Variants in WWOX observed in about 807,000 individuals in gnomAD.
WWOX encodes WW domain containing oxidoreductase.
Under a neutral mutation model 46.2 loss-of-function variants are expected in WWOX, and 69 were observed. The observed-to-expected ratio is 1.49, with a 90% CI of 1.23 to 1.82. The LOEUF is 1.82. WWOX is among the 40% of genes most tolerant of loss of function. The pLI, the probability that WWOX is intolerant of heterozygous loss-of-function variation, is 0.00. For missense variants in WWOX, 919 were observed against 542.6 expected, an observed-to-expected ratio of 1.69 and a Z score of -6.89; for synonymous variants, 359 against 202.6, an observed-to-expected ratio of 1.77 and a Z score of -6.56.
intron 8 of WWOX, among the ~76,000 whole-genome samples, chr16:79,056,774 G>A (rs902434726): frequency 6.6e-6 from 1 of 152,148 alleles, no homozygotes; most frequent in South Asian, 2.1e-4. Context: ...AAGTTTATGT[G>A]ATCTTGAAAA....
chr16:78,721,909 T>G (rs1436566762), intron 8 of WWOX, among the ~76,000 whole-genome samples: 1 of 152,238 alleles, frequency 6.6e-6, no homozygotes, highest in Non-Finnish European at 1.5e-5. Context: ...TGTCACAATC[T>G]CAGGAAACCC....
chr16:79,024,670 C>G (rs572870663), intron 8 of WWOX, among the ~76,000 whole-genome samples: 1 of 152,044 alleles, frequency 6.6e-6, no homozygotes, highest in Non-Finnish European at 1.5e-5. Context: ...CTCCTGACCT[C>G]GTGATCTGCC....
chr16:78,530,852 G>A (rs10438609), intron 8 of WWOX, among the ~76,000 whole-genome samples: 14,202 of 152,214 alleles, frequency 0.093, 914 homozygotes, highest in South Asian at 0.24. Context: ...TTGATTGAGT[G>A]TGGATAATAA....
Position 78,929,608 on chromosome 16 carries a change from A to T in WWOX, c.1057-282000A>T, listed in dbSNP as rs190685090. Reference sequence around the variant, plus strand: ...GAGCCTGGTGGACAAGGAGGGCGGGATAAGATTGCCAGGCCCTGCTTCTAT... The same window carrying T: ...GAGCCTGGTGGACAAGGAGGGCGGGTTAAGATTGCCAGGCCCTGCTTCTAT... On this transcript the variant is annotated intron_variant, in intron 8 of 8. Coordinates refer to ENST00000566780, the MANE Select transcript of WWOX (RefSeq NM_016373.4). Among the ~76,000 whole-genome samples, 3 of 152,234 alleles carry T rather than the reference A, an allele frequency of 2.0e-5. No individual in the cohort carries two copies. The East Asian group carries it at 5.8e-4, about 29-fold the overall frequency.
intron 8 of WWOX, among the ~76,000 whole-genome samples, chr16:79,113,766 G>A (rs994623597): frequency 2.0e-5 from 3 of 152,224 alleles, no homozygotes; most frequent in African/African-American, 7.2e-5. Context: ...AGGGGAAGAG[G>A]GAGGGTTAAG....
At chr16:78,519,672 A>G (rs1343810119) in intron 8 of WWOX, among the ~76,000 whole-genome samples, 2 of 152,026 alleles carry the variant, frequency 1.3e-5, no homozygotes, top group Non-Finnish European at 2.9e-5. Context: ...GGCGGAGGGT[A>G]CTAATCCCCA....
intron 8 of WWOX, among the ~76,000 whole-genome samples, chr16:78,472,453 C>G (rs1396681944): frequency 5.9e-5 from 9 of 152,084 alleles, no homozygotes; most frequent in Admixed American, 3.3e-4. Flanking sequence ...AAACTAATTT[C>G]TCTTGCTTTT....
At chr16:79,194,065 C>A (rs1454556038) in intron 8 of WWOX, among the ~76,000 whole-genome samples, 1 of 151,906 alleles carries the variant, frequency 6.6e-6, no homozygotes, top group East Asian at 1.9e-4. Context: ...TATGAAGATT[C>A]TGTGTGTGTG....
chr16:78,169,389 G>T (rs1370111085), intron 5 of WWOX, among the ~76,000 whole-genome samples: 1 of 151,816 alleles, frequency 6.6e-6, no homozygotes, highest in Non-Finnish European at 1.5e-5. Context: ...CCTTTACCCA[G>T]TATCTATTGG....
chr16:78,556,873 C>T (rs947946271), intron 8 of WWOX, among the ~76,000 whole-genome samples: 4 of 151,924 alleles, frequency 2.6e-5, no homozygotes, highest in Admixed American at 2.6e-4. Context: ...TGCCCACCAC[C>T]AAGCCCGGCT....
intron 5 of WWOX, among the ~76,000 whole-genome samples, chr16:78,304,504 T>G (rs2080097924): frequency 1.3e-5 from 2 of 152,228 alleles, no homozygotes; most frequent in Non-Finnish European, 2.9e-5. Context: ...AGGGTGGGTC[T>G]TAGTAAAATG....
At chr16:78,381,183 G>C (rs955304765) in intron 5 of WWOX, among the ~76,000 whole-genome samples, 1 of 152,094 alleles carries the variant, frequency 6.6e-6, no homozygotes, top group Non-Finnish European at 1.5e-5. Flanking sequence ...TGGTTTCTTT[G>C]GTTTCAGGCA....
At chr16:78,338,797 CCATT>C (rs1567511003) in intron 5 of WWOX, among the ~76,000 whole-genome samples, 1 of 120,740 alleles carries the variant, frequency 8.3e-6, no homozygotes, top group African/African-American at 2.8e-5. Context: ...TTTTGCTATG[CCATT>C]CATTCATTCT....
intron 8 of WWOX, among the ~76,000 whole-genome samples, chr16:78,812,549 C>T (rs1423800915): frequency 4.6e-5 from 7 of 151,860 alleles, no homozygotes; most frequent in Non-Finnish European, 8.8e-5. Flanking sequence ...TGGCGAAACT[C>T]CTTCTCTACT....
At chr16:78,563,707 C>T (rs1247752264) in intron 8 of WWOX, among the ~76,000 whole-genome samples, 2 of 152,054 alleles carry the variant, frequency 1.3e-5, no homozygotes, top group East Asian at 1.9e-4. Flanking sequence ...TTATTAAGAA[C>T]TGTCTGTATT....
At chr16:79,183,875 C>A (rs1247830691) in intron 8 of WWOX, among the ~76,000 whole-genome samples, 1 of 152,156 alleles carries the variant, frequency 6.6e-6, no homozygotes, top group Non-Finnish European at 1.5e-5. Context: ...TCACTCAGTC[C>A]TTTTCTCACT....
intron 8 of WWOX, among the ~76,000 whole-genome samples, chr16:78,588,348 T>C (rs926066419): frequency 6.6e-6 from 1 of 152,196 alleles, no homozygotes; most frequent in Non-Finnish European, 1.5e-5. Flanking sequence ...GCCTGATTTA[T>C]TGAGGCTGCC....
intron 6 of WWOX, among the ~76,000 whole-genome samples, chr16:78,402,907 C>G (rs550532092): frequency 6.6e-6 from 1 of 152,304 alleles, no homozygotes; most frequent in South Asian, 2.1e-4. Flanking sequence ...ATCCTCAACT[C>G]CAGAGCCAAG....
At chr16:78,310,460 C>G (rs2080219013) in intron 5 of WWOX, among the ~76,000 whole-genome samples, 1 of 152,218 alleles carries the variant, frequency 6.6e-6, no homozygotes, top group Non-Finnish European at 1.5e-5. Context: ...GCTCTGAGAG[C>G]AAGGCCAAAT....
Sources: allele counts gnomAD v4.1 joint callset (sites outside exome capture counted in the v4.1 genomes callset), GRCh38; gene constraint gnomAD v4.1.1; transcripts MANE v1.5; gene names NCBI Gene and HGNC (gene_info 2026-07-23, HGNC 2026-07-21).